Variants in C16orf74 observed in about 807,000 individuals in gnomAD.
The protein encoded by C16orf74 is uncharacterized protein C16orf74.
In C16orf74, 10 loss-of-function variants were observed where a neutral mutation model predicts 6.5. The ratio of observed to expected loss-of-function variants is 1.54; its 90% CI spans 0.95 to 2.61. The LOEUF is 2.61. Ranked by LOEUF, C16orf74 falls within the 30% of genes most tolerant of loss-of-function variation. The pLI, the probability that C16orf74 is intolerant of heterozygous loss-of-function variation, is 0.00. For missense variants in C16orf74, 141 were observed against 105.9 expected, an observed-to-expected ratio of 1.33 and a Z score of -1.45; for synonymous variants, 60 against 42.5, an observed-to-expected ratio of 1.41 and a Z score of -1.60.
At chr16:85,733,828 C>T (rs1010958255) in intron 2 of C16orf74, among the ~76,000 whole-genome samples, 11 of 152,172 alleles carry the variant, frequency 7.2e-5, no homozygotes, top group Non-Finnish European at 2.9e-5. Flanking sequence ...CATCCCATCC[C>T]GCTTAGTAAA....
At chr16:85,711,695 A>G (rs1598779364) in intron 2 of C16orf74, among the ~76,000 whole-genome samples, 1 of 152,216 alleles carries the variant, frequency 6.6e-6, no homozygotes. Flanking sequence ...AGGTGTTACA[A>G]TCCTTGTCTC....
chr16:85,745,461 G>C (rs1266718328), intron 1 of C16orf74, among the ~76,000 whole-genome samples: 2 of 152,216 alleles, frequency 1.3e-5, no homozygotes, highest in Non-Finnish European at 2.9e-5. Flanking sequence ...CAGATTTTCA[G>C]TGCAAACAGA....
At chr16:85,732,484 G>A (rs1371366228) in intron 2 of C16orf74, among the ~76,000 whole-genome samples, 2 of 151,756 alleles carry the variant, frequency 1.3e-5, no homozygotes, top group African/African-American at 4.8e-5. Context: ...TGGACAACAT[G>A]GTGAAACCCC....
intron 1 of C16orf74, among the ~76,000 whole-genome samples, chr16:85,747,677 A>G (rs898534997): frequency 1.3e-5 from 2 of 152,178 alleles, no homozygotes; most frequent in African/African-American, 2.4e-5. Context: ...TTCTGAGTCA[A>G]ATGTGAGTGA....
At position 85,710,258 on chromosome 16, in the gene C16orf74, G is replaced by C; in HGVS notation, c.78C>G (p.Pro26=). 2.0e-6 allele frequency: 3 copies of C among 1,513,840 alleles called. No individual in the cohort carries two copies. The highest frequency in any genetic ancestry group is 2.6e-6 in the Non-Finnish European group (3 of 1,142,618). The allele number at this position is 1,513,840 out of a possible 1,614,324, so 93.8% of individuals were successfully genotyped here. A position where few individuals can be genotyped will look rare whatever the true frequency, so the allele number is the denominator to read the frequency against. The change falls in exon 3 of 4, where the codon CCC becomes CCG. Residue 26 remains proline, a synonymous_variant. Transcript: ENST00000284245. ...SSSSSSHDEA[P]VLNDKHLDVP... ...CGTCCAGGTGCTTGTCGTTCAGGAC[G>C]GGGGCCTCGTCGTGGCTGCTGCTGC...
At chr16:85,736,167 C>T (rs1202266881) in intron 1 of C16orf74, among the ~76,000 whole-genome samples, 2 of 152,050 alleles carry the variant, frequency 1.3e-5, no homozygotes, top group Non-Finnish European at 2.9e-5. Context: ...GGGGAGAAGC[C>T]GAAGATGGGT....
chr16:85,735,482 G>A (rs757072850), intron 1 of C16orf74, among the ~76,000 whole-genome samples: 32 of 152,318 alleles, frequency 2.1e-4, no homozygotes, highest in Non-Finnish European at 4.1e-4. Flanking sequence ...AAGCCAAGGC[G>A]GCGTCTGCAG....
At chr16:85,716,321 A>G in intron 2 of C16orf74, among the ~76,000 whole-genome samples, 2 of 103,210 alleles carry the variant, frequency 1.9e-5, no homozygotes, top group African/African-American at 3.8e-5. Context: ...GGGAGGGAGG[A>G]GTAAGTTGGG....
At chr16:85,749,585 G>C (rs1006364832) in intron 1 of C16orf74, among the ~76,000 whole-genome samples, 2 of 152,252 alleles carry the variant, frequency 1.3e-5, no homozygotes, top group Non-Finnish European at 2.9e-5. Flanking sequence ...GCCTGGCCCT[G>C]TTTCCTCATC....
At chr16:85,749,442 C>G (rs1482152550) in intron 1 of C16orf74, among the ~76,000 whole-genome samples, 3 of 151,944 alleles carry the variant, frequency 2.0e-5, no homozygotes, top group Non-Finnish European at 2.9e-5. Context: ...TGCACCACAC[C>G]CAGCTCATTA....
intron 1 of C16orf74, among the ~76,000 whole-genome samples, chr16:85,748,782 G>A (rs896854628): frequency 6.6e-6 from 1 of 152,106 alleles, no homozygotes; most frequent in Non-Finnish European, 1.5e-5. Flanking sequence ...CTGGTCTGCG[G>A]GGTCTCAATT....
At chr16:85,739,285 A>G (rs2054277827) in intron 1 of C16orf74, among the ~76,000 whole-genome samples, 1 of 152,210 alleles carries the variant, frequency 6.6e-6, no homozygotes, top group Admixed American at 6.5e-5. Flanking sequence ...CCAAGCGCAG[A>G]CCGGCCCTGC....
At chr16:85,720,614 AT>A (rs869076969) in intron 2 of C16orf74, among the ~76,000 whole-genome samples, 50 of 151,632 alleles carry the variant, frequency 3.3e-4, no homozygotes, top group Non-Finnish European at 4.7e-4. Flanking sequence ...CTCTAAAAAA[AT>A]TTTTTTTTAA....
intron 1 of C16orf74, among the ~76,000 whole-genome samples, chr16:85,737,040 C>G (rs1026105574): frequency 6.6e-6 from 1 of 151,146 alleles, no homozygotes; most frequent in Non-Finnish European, 1.5e-5. Context: ...GAGACTTCAT[C>G]TCGAGAAAAA....
chr16:85,711,731 C>G (rs1254705318), intron 2 of C16orf74, among the ~76,000 whole-genome samples: 1 of 152,088 alleles, frequency 6.6e-6, no homozygotes, highest in Non-Finnish European at 1.5e-5. Flanking sequence ...TGGTTTTGCC[C>G]CAAACGGTGC....
chr16:85,728,469 A>G (rs900003039), intron 2 of C16orf74, among the ~76,000 whole-genome samples: 2 of 152,124 alleles, frequency 1.3e-5, no homozygotes, highest in African/African-American at 2.4e-5. Flanking sequence ...TCTCATTCCC[A>G]GGAGCCTGTA....
At chr16:85,737,070 G>A (rs2054253121) in intron 1 of C16orf74, among the ~76,000 whole-genome samples, 1 of 152,068 alleles carries the variant, frequency 6.6e-6, no homozygotes, top group South Asian at 2.1e-4. Flanking sequence ...AAAAAGGGGT[G>A]AGGCACATAA....
intron 2 of C16orf74, among the ~76,000 whole-genome samples, chr16:85,718,121 GTCTC>G (rs981955847): frequency 4.6e-5 from 7 of 152,164 alleles, no homozygotes; most frequent in Non-Finnish European, 8.8e-5. Context: ...TTGAGACAGG[GTCTC>G]TCTCTGTGGC....
rs1207087284 is a variant in C16orf74, at chr16:85,707,808, C to T, written c.*200G>A. 6.8e-6 allele frequency: 4 copies of T among 585,342 alleles called. No individual in the cohort carries two copies. Among genetic ancestry groups the T allele is most frequent in the African/African-American group, 3.8e-5 (2 of 52,676 alleles). The allele number at this position is 585,342 out of a possible 1,614,324, so 36.3% of individuals were successfully genotyped here. A position where few individuals can be genotyped will look rare whatever the true frequency, so the allele number is the denominator to read the frequency against. On this transcript the variant is annotated 3_prime_UTR_variant, in exon 4 of 4. Transcript: ENST00000284245. ...GGTGTCAGAGGTCCGGTCCACTCAGCGGGGCCTGGGAAACACTGTTCTGGA... is the reference window on the plus strand; with the variant it reads ...GGTGTCAGAGGTCCGGTCCACTCAGTGGGGCCTGGGAAACACTGTTCTGGA...
Sources: allele counts gnomAD v4.1 joint callset (sites outside exome capture counted in the v4.1 genomes callset), GRCh38; gene constraint gnomAD v4.1.1; transcripts MANE v1.5; gene names NCBI Gene and HGNC (gene_info 2026-07-23, HGNC 2026-07-21).